BRWD1: variants seen among roughly 807,000 people sequenced by gnomAD.
BRWD1 encodes bromodomain and WD repeat domain containing 1, also known as bromodomain and WD repeat-containing protein 1.
A neutral mutation model predicts 251.2 loss-of-function variants in BRWD1; 82 were observed. The observed-to-expected ratio is 0.33, with a 90% confidence interval of 0.27 to 0.39. The LOEUF is 0.39. Among genes scored for constraint, BRWD1 ranks in the 10% least tolerant of loss-of-function variants. BRWD1 has a pLI of 1.00. For synonymous variants in BRWD1, 918 were observed against 902.8 expected, an observed-to-expected ratio of 1.02 and a Z score of -0.30; for missense variants, 2,233 against 2,711.6, an observed-to-expected ratio of 0.82 and a Z score of 3.92.
At chr21:39,283,791 T>C (rs1160880977) in intron 8 of BRWD1, among the ~76,000 whole-genome samples, 1 of 152,246 alleles carries the variant, frequency 6.6e-6, no homozygotes, top group African/African-American at 2.4e-5. Flanking sequence ...AACCATGTTT[T>C]GTTATGCCCC....
chr21:39,234,784 T>G (rs2033751109), intron 23 of BRWD1, among the ~76,000 whole-genome samples: 2 of 152,220 alleles, frequency 1.3e-5, no homozygotes, highest in Admixed American at 6.5e-5. Flanking sequence ...TGATTTAACC[T>G]CGCCAAAACA....
chr21:39,265,418 G>T (rs1320919415), intron 15 of BRWD1, among the ~76,000 whole-genome samples: 2 of 152,146 alleles, frequency 1.3e-5, no homozygotes, highest in Non-Finnish European at 2.9e-5. Context: ...CTGGGTGACA[G>T]AGTGAGACTC....
upstream of BRWD1, among the ~76,000 whole-genome samples, chr21:39,315,553 GA>G (rs1233634956): frequency 6.6e-6 from 1 of 151,918 alleles, no homozygotes; most frequent in Non-Finnish European, 1.5e-5. Flanking sequence ...AGAATCGCTT[GA>G]ACCCCGGAGG....
At chr21:39,308,080 A>G (rs1304852295) in intron 4 of BRWD1, among the ~76,000 whole-genome samples, 1 of 152,110 alleles carries the variant, frequency 6.6e-6, no homozygotes, top group Non-Finnish European at 1.5e-5. Context: ...GGTGTTGCTT[A>G]TGTTGCCCAG....
chr21:39,215,783 C>T (rs1204252730), intron 31 of BRWD1, among the ~76,000 whole-genome samples: 1 of 152,098 alleles, frequency 6.6e-6, no homozygotes, highest in Non-Finnish European at 1.5e-5. Context: ...AGCATGAGCC[C>T]AGGGGTTCAA....
chr21:39,203,507 C>T (rs894137884), intron 37 of BRWD1, among the ~76,000 whole-genome samples: 3 of 144,422 alleles, frequency 2.1e-5, no homozygotes, highest in South Asian at 2.2e-4. Context: ...CCCGAGTTCA[C>T]GCCATTCTCC....
chr21:39,198,254 C>G (rs2031923500), intron 40 of BRWD1, among the ~76,000 whole-genome samples: 1 of 152,116 alleles, frequency 6.6e-6, no homozygotes, highest in Non-Finnish European at 1.5e-5. Flanking sequence ...AACAATAATG[C>G]TAGTACCTAC....
rs577390097 is a variant in BRWD1 at position 39,212,049 on chromosome 21, T to C, written c.3900+617A>G. Among the ~76,000 whole-genome samples the C allele has an allele frequency of 1.2e-4, 18 of 152,200 alleles. No individual in the cohort carries two copies. The East Asian group carries it at 3.1e-3, about 26-fold the overall frequency. On this transcript the variant is annotated intron_variant, in intron 34 of 40. Transcript: ENST00000342449. ...ACCTCATCATCCCAACATATCTCCATTGTTAAAAAAAGTTCAGTCACCAAA... is the reference window on the plus strand; with the variant it reads ...ACCTCATCATCCCAACATATCTCCACTGTTAAAAAAAGTTCAGTCACCAAA...
chr21:39,296,206 G>A (rs1447152429), intron 6 of BRWD1, 59 bp downstream of exon 6: 3 of 1,364,414 alleles, frequency 2.2e-6, no homozygotes, highest in Admixed American at 2.4e-5. Flanking sequence ...CATTTATAAA[G>A]GTTGTTGAGA....
At position 39,313,426 on chromosome 21, in the gene BRWD1, A is replaced by G; in HGVS notation, c.49+17T>C. 1 of 1,431,022 alleles carries G rather than the reference A, an allele frequency of 7.0e-7. No homozygotes were observed. Among genetic ancestry groups the G allele is most frequent in the Non-Finnish European group, 9.1e-7 (1 of 1,094,352 alleles). 88.6% of individuals were successfully genotyped at this position (1,431,022 alleles called of 1,614,324 possible). ...CCGGGAGCGCCAGGGCGGGGGTGGC[A>G]CGGCCTCGCGTCTTACCCGACTCGA... On this transcript the variant is annotated intron_variant, in intron 1 of 40. Coordinates refer to ENST00000342449, the MANE Select transcript of BRWD1 (RefSeq NM_033656.4).
In BRWD1 at chr21:39,197,363, G is replaced by C; in HGVS notation, c.5706C>G (p.Val1902=). 6.2e-7 allele frequency: 1 copy of C among 1,608,572 alleles called. No homozygotes were observed. Among genetic ancestry groups the C allele is most frequent in the Non-Finnish European group, 8.5e-7 (1 of 1,178,388 alleles). Residue 1902 remains valine, a synonymous_variant, in exon 41 of 41, where the codon GTC becomes GTG. Transcript: ENST00000342449. Reference sequence around the variant, plus strand: ...AACTACTGTCTGAGTCACTGGAACAGACCCTTTTCCTGGAAATTTTTCTGC... The same window carrying C: ...AACTACTGTCTGAGTCACTGGAACACACCCTTTTCCTGGAAATTTTTCTGC... ...GLSRKISRKR[V]CSSDSDSSLQ...
chr21:39,301,323 A>G (rs577724889), intron 4 of BRWD1, among the ~76,000 whole-genome samples: 1 of 152,200 alleles, frequency 6.6e-6, no homozygotes, highest in African/African-American at 2.4e-5. Flanking sequence ...TTGAGAGGAT[A>G]CTACTTCTAT....
At chr21:39,299,301 C>G (rs2036044465) in intron 4 of BRWD1, among the ~76,000 whole-genome samples, 1 of 151,552 alleles carries the variant, frequency 6.6e-6, no homozygotes, top group Admixed American at 6.6e-5. Context: ...AAGCATACAT[C>G]TTTGAGAGAG....
intron 4 of BRWD1, among the ~76,000 whole-genome samples, chr21:39,309,437 AAT>A (rs1273625905): frequency 2.0e-5 from 3 of 151,968 alleles, no homozygotes; most frequent in Admixed American, 6.6e-5. Flanking sequence ...CAGCCTGGGT[AAT>A]AGAGTGAGAC....
In BRWD1 at chr21:39,188,972, G is replaced by C; in HGVS notation, c.*7287C>G. ...CCCTTACCTCCTTCAGCTGGACTCT[G>C]TGGGAAGAGAAGTGGCTTAAAGTGC... On this transcript the variant is annotated 3_prime_UTR_variant, in exon 41 of 41. Coordinates refer to ENST00000342449, the MANE Select transcript of BRWD1 (RefSeq NM_033656.4). 1 of 985,362 alleles carries C rather than the reference G, an allele frequency of 1.0e-6. No homozygotes were observed. Among genetic ancestry groups the C allele is most frequent in the African/African-American group, 1.7e-5 (1 of 57,336 alleles). The allele number at this position is 985,362 out of a possible 1,614,324, so 61.0% of individuals were successfully genotyped here. A position where few individuals can be genotyped will look rare whatever the true frequency, so the allele number is the denominator to read the frequency against.
intron 8 of BRWD1, among the ~76,000 whole-genome samples, chr21:39,286,807 C>T (rs908666746): frequency 6.6e-6 from 1 of 152,162 alleles, no homozygotes; most frequent in Non-Finnish European, 1.5e-5. Flanking sequence ...AGCCACTGCG[C>T]CCGGCCCATT....
Position 39,227,295 on chromosome 21 carries a change from A to C in BRWD1, c.3208+1205T>G, listed in dbSNP as rs868780196. ...TAACAAAAATCCAAGAACTGATAAA[A>C]GAACGAACCATCCTACTTCTAACTC... On this transcript the variant is annotated intron_variant, in intron 27 of 40. Coordinates refer to ENST00000342449, the MANE Select transcript of BRWD1 (RefSeq NM_033656.4). Among the ~76,000 whole-genome samples the C allele has an allele frequency of 6.6e-5, 10 of 152,350 alleles. No homozygotes were observed. The Middle Eastern group carries it at 0.014, about 207-fold the overall frequency.
At chr21:39,296,121 A>G in intron 6 of BRWD1, 144 bp downstream of exon 6, 1 of 666,858 alleles carries the variant, frequency 1.5e-6, no homozygotes, top group South Asian at 4.9e-5. Context: ...TTATTTTAAC[A>G]ATAATTTGAC....
At chr21:39,218,110 A>G in intron 31 of BRWD1, 42 bp downstream of exon 31, 1 of 1,560,820 alleles carries the variant, frequency 6.4e-7, no homozygotes, top group Non-Finnish European at 8.6e-7. Flanking sequence ...AATATTGCCA[A>G]ATATAGCTTT....
Sources: gnomAD v4.1 joint callset for allele counts (sites outside exome capture counted in the v4.1 genomes callset) on GRCh38, gnomAD v4.1.1 for gene constraint, MANE v1.5 for transcripts, NCBI Gene and HGNC (gene_info 2026-07-23, HGNC 2026-07-21) for gene names.